The following UXS1 variants were observed in gnomAD, a reference collection of about 807,000 sequenced individuals.
UXS1 encodes UDP-glucuronate decarboxylase 1.
Under a neutral mutation model 62.6 loss-of-function variants are expected in UXS1, and 33 were observed. That is an observed-to-expected ratio of 0.53 (90% confidence interval 0.40 to 0.70). The LOEUF is 0.70. UXS1 is among the 30% of genes least tolerant of loss of function. The probability of loss-of-function intolerance (pLI) is 0.00; values close to 1 mark genes in which losing one functional copy is unlikely to be tolerated. For missense variants in UXS1, 434 were observed against 556.3 expected (o/e 0.78, Z 2.21); for synonymous variants, 213 against 206.8 (o/e 1.03, Z -0.26).
intron 1 of UXS1, among the ~76,000 whole-genome samples, chr2:106,192,590 A>T (rs1308534894): frequency 6.6e-6 from 1 of 151,780 alleles, no homozygotes; most frequent in Non-Finnish European, 1.5e-5. Flanking sequence ...GGCTCCATAA[A>T]TCCCCTACTT....
intron 6 of UXS1, among the ~76,000 whole-genome samples, chr2:106,142,770 C>A (rs1483868778): frequency 6.6e-6 from 1 of 152,206 alleles, no homozygotes. Context: ...GAAAAACAGG[C>A]TTCAAACCAC....
At position 106,163,603 on chromosome 2, in the gene UXS1, A is replaced by C. The variant is rs1189037265; in HGVS notation, c.230+64T>G. 3.9e-6 allele frequency: 4 copies of C among 1,034,124 alleles called. No homozygotes were observed. The African/African-American group carries it at 6.8e-5, about 17-fold the overall frequency. The allele number at this position is 1,034,124 out of a possible 1,614,324, so 64.1% of individuals were successfully genotyped here. A position where few individuals can be genotyped will look rare whatever the true frequency, so the allele number is the denominator to read the frequency against. On this transcript the variant is annotated intron_variant, in intron 4 of 14. Coordinates refer to ENST00000283148, the MANE Select transcript of UXS1 (RefSeq NM_001253875.2). The stretch of plus-strand genomic sequence containing the variant: ...GCAGAGTTTGGAGCAAACAAACAGA[A>C]TTAATTACTCAATTGAGACAAACTT...
At chr2:106,155,215 A>C (rs539337313) in intron 5 of UXS1, among the ~76,000 whole-genome samples, 7 of 152,270 alleles carry the variant, frequency 4.6e-5, no homozygotes, top group African/African-American at 1.7e-4. Context: ...AAACATCCGA[A>C]CTCTATCAAC....
chr2:106,136,999 T>G (rs897484668), intron 6 of UXS1, among the ~76,000 whole-genome samples: 3 of 126,760 alleles, frequency 2.4e-5, no homozygotes, highest in Non-Finnish European at 3.4e-5. Flanking sequence ...AAGCCAAGTC[T>G]GAAAACCAGT....
intron 14 of UXS1, among the ~76,000 whole-genome samples, chr2:106,096,012 T>C (rs1415456342): frequency 6.6e-6 from 1 of 152,162 alleles, no homozygotes. Context: ...CAGTTCCCCT[T>C]CCTCCACACC....
chr2:106,181,998 CATTTTATTGCTTACTGTT>C (rs1383804931), intron 1 of UXS1, among the ~76,000 whole-genome samples: 2 of 152,180 alleles, frequency 1.3e-5, no homozygotes, highest in Admixed American at 1.3e-4. Context: ...CTTCAGGGCT[CATTTTATTGCTTACTGTT>C]AAGAAGTTTT....
At chr2:106,189,000 G>A (rs942808944) in intron 1 of UXS1, among the ~76,000 whole-genome samples, 3 of 152,110 alleles carry the variant, frequency 2.0e-5, no homozygotes, top group Admixed American at 6.5e-5. Flanking sequence ...CACTAGAAGA[G>A]TCTAAATACA....
intron 1 of UXS1, among the ~76,000 whole-genome samples, chr2:106,188,173 C>T (rs1427951903): frequency 3.3e-5 from 5 of 152,126 alleles, no homozygotes; most frequent in African/African-American, 1.2e-4. Context: ...TCCTCCCTGC[C>T]CCTCTCTCCA....
chr2:106,149,896 T>TA (rs1449641264), intron 5 of UXS1, among the ~76,000 whole-genome samples: 2 of 152,162 alleles, frequency 1.3e-5, no homozygotes, highest in Non-Finnish European at 2.9e-5. Context: ...TAGAACTTCT[T>TA]AGAGATTACC....
At chr2:106,125,506 G>T in intron 8 of UXS1, 114 bp downstream of exon 8, 1 of 1,016,202 alleles carries the variant, frequency 9.8e-7, no homozygotes, top group Non-Finnish European at 1.3e-6. Flanking sequence ...CTGTGCACAA[G>T]AGGAGCATGG....
At chr2:106,130,955 C>T (rs4851928) in intron 6 of UXS1, among the ~76,000 whole-genome samples, 17,111 of 151,996 alleles carry the variant, frequency 0.11, 1,383 homozygotes, top group East Asian at 0.35. Context: ...GCGTGAGCGA[C>T]GCAGAAGACG....
intron 1 of UXS1, among the ~76,000 whole-genome samples, chr2:106,178,449 T>C (rs1303624626): frequency 6.6e-6 from 1 of 152,094 alleles, no homozygotes; most frequent in Non-Finnish European, 1.5e-5. Flanking sequence ...TATGTATATA[T>C]GTATGTGTGT....
chr2:106,108,269 T>C (rs994323860), intron 10 of UXS1, among the ~76,000 whole-genome samples: 25 of 152,326 alleles, frequency 1.6e-4, no homozygotes, highest in Non-Finnish European at 3.5e-4. Context: ...TGTGCGCTAA[T>C]GTGAAAATGT....
chr2:106,106,041 G>C (rs890500082), intron 10 of UXS1, among the ~76,000 whole-genome samples: 14 of 152,308 alleles, frequency 9.2e-5, no homozygotes, highest in African/African-American at 3.4e-4. Flanking sequence ...GCTCTGAGAA[G>C]GAAAAGGGGA....
At chr2:106,155,575 T>C (rs541562352) in intron 5 of UXS1, among the ~76,000 whole-genome samples, 6 of 152,350 alleles carry the variant, frequency 3.9e-5, no homozygotes, top group South Asian at 4.1e-4. Flanking sequence ...GTATTCAGTA[T>C]AGCAACATGC....
chr2:106,145,209 C>T lies in UXS1; in HGVS notation c.453G>A (p.Val151=), dbSNP rs1361886875. 4 of 1,613,606 alleles carry T rather than the reference C, an allele frequency of 2.5e-6. No individual in the cohort carries two copies. Among genetic ancestry groups the T allele is most frequent in the East Asian group, 2.2e-5 (1 of 44,862 alleles). The change falls in exon 6 of 15, where the codon GTG becomes GTA. Residue 151 remains valine (V), a synonymous_variant. Coordinates refer to ENST00000283148, the MANE Select transcript of UXS1 (RefSeq NM_001253875.2). The part of the protein sequence containing the change: ...ENFELINHDV[V]EPLYIEVDQI... ...ACTCACCCTCGATGTAGAGGGGCTCCACCACGTCGTGGTTAATCAACTCGA... is the reference window on the plus strand; with the variant it reads ...ACTCACCCTCGATGTAGAGGGGCTCTACCACGTCGTGGTTAATCAACTCGA...
intron 1 of UXS1, among the ~76,000 whole-genome samples, chr2:106,177,937 G>C (rs147059537): frequency 2.7e-4 from 41 of 152,278 alleles, no homozygotes; most frequent in Admixed American, 2.5e-3. Flanking sequence ...TCTGCTCTGG[G>C]CACCCACCTG....
intron 10 of UXS1, among the ~76,000 whole-genome samples, chr2:106,108,483 C>G (rs896613360): frequency 1.3e-5 from 2 of 152,128 alleles, no homozygotes; most frequent in Admixed American, 1.3e-4. Flanking sequence ...CAGCAAAATC[C>G]AGGGCATGAG....
At chr2:106,145,059 GAC>G (rs1046775480) in intron 6 of UXS1, 129 bp downstream of exon 6, 1 of 1,009,438 alleles carries the variant, frequency 9.9e-7, no homozygotes, top group Non-Finnish European at 1.4e-6. Context: ...TACATATTGA[GAC>G]ATTTCAAAAA....
Sources: allele counts gnomAD v4.1 joint callset (sites outside exome capture counted in the v4.1 genomes callset), GRCh38; gene constraint gnomAD v4.1.1; transcripts MANE v1.5; gene names NCBI Gene and HGNC (gene_info 2026-07-23, HGNC 2026-07-21).